Variants in WARS2 observed in about 807,000 individuals in gnomAD.
WARS2 encodes the protein tryptophan--tRNA ligase, mitochondrial.
WARS2 carries 28 observed loss-of-function variants against 36.5 expected under a neutral mutation model. The observed-to-expected ratio is 0.77, with a 90% CI of 0.57 to 1.05. The LOEUF (loss-of-function observed/expected upper bound fraction) is 1.05, where lower values mean the gene tolerates loss of function less well. Among genes scored for constraint, WARS2 ranks in the 50% least tolerant of loss-of-function variants. The probability of loss-of-function intolerance (pLI) is 0.00; values close to 1 mark genes in which losing one functional copy is unlikely to be tolerated. For synonymous variants in WARS2, 174 were observed against 178.4 expected (o/e 0.98, Z 0.20); for missense variants, 435 against 456.8 (o/e 0.95, Z 0.44).
Position 119,089,474 on chromosome 1 carries a change from G to A in WARS2, c.91-12867C>T, listed in dbSNP as rs587626782. Among the ~76,000 whole-genome samples, 4 of 152,218 alleles carry A rather than the reference G, an allele frequency of 2.6e-5. No individual in the cohort carries two copies. In the South Asian group the frequency reaches 6.2e-4, roughly 24 times the overall value. The stretch of plus-strand genomic sequence containing the variant: ...AAGCAGAATCTAGTGCCACACTGCC[G>A]GGATTCAAGACTTTGCCCAGTTACT... On this transcript the variant is annotated intron_variant, in intron 1 of 5. Transcript: ENST00000235521.
intron 4 of WARS2, among the ~76,000 whole-genome samples, chr1:119,036,084 A>G (rs1463981359): frequency 6.6e-6 from 1 of 152,128 alleles, no homozygotes; most frequent in Non-Finnish European, 1.5e-5. Context: ...CATGCCTGTA[A>G]TCCCAGGTAC....
At chr1:119,099,328 GT>G (rs1557979242) in intron 1 of WARS2, among the ~76,000 whole-genome samples, 1 of 152,198 alleles carries the variant, frequency 6.6e-6, no homozygotes, top group Non-Finnish European at 1.5e-5. Flanking sequence ...GCATGGAAAT[GT>G]GTTTAGGTTT....
At chr1:119,044,645 C>G (rs1417699993) in intron 3 of WARS2, among the ~76,000 whole-genome samples, 2 of 152,168 alleles carry the variant, frequency 1.3e-5, no homozygotes, top group African/African-American at 4.8e-5. Flanking sequence ...AAGTCAGTGT[C>G]TGGTGAGGAA....
chr1:119,084,288 G>A lies in WARS2; in HGVS notation c.91-7681C>T, dbSNP rs150200020. On this transcript the variant is annotated intron_variant, in intron 1 of 5. Transcript: ENST00000235521. ...AGGGATGGGGAGGAGGGAGGAAATGGAGAGTTCTTGTTTAATGGGTACAGG... is the reference window on the plus strand; with the variant it reads ...AGGGATGGGGAGGAGGGAGGAAATGAAGAGTTCTTGTTTAATGGGTACAGG... Among the ~76,000 whole-genome samples the A allele has an allele frequency of 4.0e-4, 61 of 152,248 alleles. 5 individuals are homozygous for A. The highest frequency in any genetic ancestry group is 1.4e-3 in the African/African-American group (60 of 41,538).
At chr1:119,122,941 A>C (rs1389203129) in intron 1 of WARS2, among the ~76,000 whole-genome samples, 1 of 152,182 alleles carries the variant, frequency 6.6e-6, no homozygotes, top group Non-Finnish European at 1.5e-5. Context: ...AATTGAGAAG[A>C]AAAAATCAGC....
intron 2 of WARS2, among the ~76,000 whole-genome samples, chr1:119,048,719 G>A (rs970174548): frequency 1.3e-5 from 2 of 152,140 alleles, no homozygotes; most frequent in African/African-American, 4.8e-5. Context: ...CCCAAATGTT[G>A]CATTTTCCAA....
chr1:119,091,956 G>A lies in WARS2; in HGVS notation c.91-15349C>T, dbSNP rs146846552. Among the ~76,000 whole-genome samples the A allele has an allele frequency of 6.5e-4, 99 of 152,298 alleles. 1 individual carries two copies. Among genetic ancestry groups the A allele is most frequent in the Non-Finnish European group, 9.1e-4 (62 of 68,010 alleles). ...ACAGAAAACAGGCAGTGCTTCGGAA[G>A]GATAATTCACAGGCATTTCTTTATT... On this transcript the variant is annotated intron_variant, in intron 1 of 5. Transcript: ENST00000235521.
At chr1:119,129,518 G>A (rs1655937178) in intron 1 of WARS2, among the ~76,000 whole-genome samples, 1 of 152,056 alleles carries the variant, frequency 6.6e-6, no homozygotes. Flanking sequence ...AGATCAGACT[G>A]GACAGCATAG....
chr1:119,060,461 T>C (rs2088228102), intron 2 of WARS2, among the ~76,000 whole-genome samples: 1 of 152,230 alleles, frequency 6.6e-6, no homozygotes, highest in South Asian at 2.1e-4. Flanking sequence ...GGACATCATT[T>C]AACCTTAATT....
At chr1:119,096,403 G>A (rs1452280741) in intron 1 of WARS2, among the ~76,000 whole-genome samples, 3 of 151,958 alleles carry the variant, frequency 2.0e-5, no homozygotes, top group Non-Finnish European at 4.4e-5. Flanking sequence ...ATTCACCAGC[G>A]AAATATTTAC....
intron 1 of WARS2, chr1:119,126,479 A>ATTTTT: frequency 2.9e-6 from 1 of 341,088 alleles, no homozygotes; most frequent in South Asian, 3.1e-5. Flanking sequence ...GGTAGATACT[A>ATTTTT]TTTTTTTTTT....
At chr1:119,112,737 T>C (rs587629225) in intron 1 of WARS2, among the ~76,000 whole-genome samples, 2 of 152,348 alleles carry the variant, frequency 1.3e-5, no homozygotes, top group South Asian at 2.1e-4. Context: ...GCCAATTTAC[T>C]AGAAAAAGTT....
chr1:119,037,831 T>C (rs1274879096), intron 4 of WARS2, among the ~76,000 whole-genome samples: 1 of 152,242 alleles, frequency 6.6e-6, no homozygotes, highest in Non-Finnish European at 1.5e-5. Flanking sequence ...TCAGTTTTAC[T>C]TCCTAAATGT....
At chr1:119,138,780 C>T (rs1022282404) in intron 1 of WARS2, among the ~76,000 whole-genome samples, 5 of 152,102 alleles carry the variant, frequency 3.3e-5, no homozygotes, top group African/African-American at 9.7e-5. Flanking sequence ...AATACTTATT[C>T]TACTCAAAGC....
At chr1:119,105,284 T>C (rs1161645298) in intron 1 of WARS2, among the ~76,000 whole-genome samples, 1 of 152,220 alleles carries the variant, frequency 6.6e-6, no homozygotes, top group Non-Finnish European at 1.5e-5. Context: ...TGGAAAATTA[T>C]CATCAAATGT....
intron 1 of WARS2, among the ~76,000 whole-genome samples, chr1:119,131,531 C>T (rs1432459618): frequency 1.4e-5 from 2 of 146,264 alleles, no homozygotes; most frequent in Non-Finnish European, 3.0e-5. Context: ...GGCGCGATCT[C>T]GGCTCACTGC....
intron 2 of WARS2, among the ~76,000 whole-genome samples, chr1:119,068,930 G>A (rs141482336): frequency 6.6e-6 from 1 of 152,048 alleles, no homozygotes; most frequent in African/African-American, 2.4e-5. Context: ...CATATTTTAG[G>A]GGAAGCACAT....
At chr1:119,096,901 A>G (rs183064032) in intron 1 of WARS2, among the ~76,000 whole-genome samples, 11 of 152,224 alleles carry the variant, frequency 7.2e-5, no homozygotes, top group African/African-American at 2.7e-4. Context: ...CTGTACCATG[A>G]AAAGTTATTA....
At chr1:119,091,627 T>C (rs1653053303) in intron 1 of WARS2, among the ~76,000 whole-genome samples, 1 of 152,210 alleles carries the variant, frequency 6.6e-6, no homozygotes. Context: ...CTGCTTGATA[T>C]ACTTGTTTCA....
Sources: gnomAD v4.1 joint callset for allele counts (sites outside exome capture counted in the v4.1 genomes callset) on GRCh38, gnomAD v4.1.1 for gene constraint, MANE v1.5 for transcripts, NCBI Gene and HGNC (gene_info 2026-07-23, HGNC 2026-07-21) for gene names.